Variants in RAPGEF6 observed in about 807,000 individuals in gnomAD.
RAPGEF6 encodes Rap guanine nucleotide exchange factor 6.
In RAPGEF6, 56 loss-of-function variants were observed where a neutral mutation model predicts 171.4. The observed-to-expected ratio is 0.33, with a 90% CI of 0.26 to 0.41. RAPGEF6 has a LOEUF of 0.41. Ranked by LOEUF, RAPGEF6 falls within the 10% of genes least tolerant of loss-of-function variation. The pLI is 1.00. For missense variants in RAPGEF6, 1,674 were observed against 1,921.4 expected (o/e 0.87, Z 2.41); for synonymous variants, 692 against 650.1 (o/e 1.06, Z -0.98).
chr5:131,570,306 T>TAC (rs1400436391), intron 4 of RAPGEF6, among the ~76,000 whole-genome samples: 3 of 152,224 alleles, frequency 2.0e-5, no homozygotes, highest in East Asian at 1.9e-4. Context: ...CTGTTAAATA[T>TAC]ACACCAGAAT....
At chr5:131,494,966 G>A (rs1756533092) in intron 13 of RAPGEF6, among the ~76,000 whole-genome samples, 1 of 152,160 alleles carries the variant, frequency 6.6e-6, no homozygotes, top group Non-Finnish European at 1.5e-5. Context: ...TTATAAGCCT[G>A]AGTAACTAAG....
intron 4 of RAPGEF6, among the ~76,000 whole-genome samples, chr5:131,578,580 A>AT (rs1762739236): frequency 6.6e-6 from 1 of 151,910 alleles, no homozygotes; most frequent in African/African-American, 2.4e-5. Context: ...CCATCCCCCC[A>AT]TATTTGGACC....
At chr5:131,435,671 T>C in intron 24 of RAPGEF6, 1 of 338,486 alleles carries the variant, frequency 3.0e-6, no homozygotes, top group South Asian at 4.5e-5. Context: ...CAATCAAAGA[T>C]ACGTAAAAAG....
chr5:131,619,434 G>A (rs1166312714), intron 1 of RAPGEF6, among the ~76,000 whole-genome samples: 8 of 152,192 alleles, frequency 5.3e-5, no homozygotes, highest in East Asian at 3.9e-4. Context: ...AAACCTGCAC[G>A]TTCTGCACAT....
Position 131,605,947 on chromosome 5 carries a change from G to A in RAPGEF6, c.70-1254C>T, listed in dbSNP as rs907311669. On this transcript the variant is annotated intron_variant, in intron 1 of 27. Transcript: ENST00000509018. ...CGGGAGGCTAAGGCAGGAGAATGGCGTGAACCCGGCAGGCGGAGCTTGCAG... is the reference window on the plus strand; with the variant it reads ...CGGGAGGCTAAGGCAGGAGAATGGCATGAACCCGGCAGGCGGAGCTTGCAG... Among the ~76,000 whole-genome samples the A allele has an allele frequency of 2.0e-5, 3 of 148,478 alleles. No homozygotes were observed. The Admixed American group carries it at 2.0e-4, about 10-fold the overall frequency.
intron 6 of RAPGEF6, among the ~76,000 whole-genome samples, chr5:131,535,199 T>C (rs1759683922): frequency 6.6e-6 from 1 of 152,116 alleles, no homozygotes. Context: ...CAGGGAACTG[T>C]ATAGTGAACC....
intron 1 of RAPGEF6, among the ~76,000 whole-genome samples, chr5:131,605,805 C>T (rs183092746): frequency 1.6e-3 from 238 of 151,608 alleles, no homozygotes; most frequent in Middle Eastern, 3.5e-3. Flanking sequence ...TCGAGGCGGG[C>T]GGAACATGAG....
chr5:131,524,386 G>A (rs1407454435), intron 6 of RAPGEF6, among the ~76,000 whole-genome samples: 1 of 152,164 alleles, frequency 6.6e-6, no homozygotes, highest in Admixed American at 6.5e-5. Flanking sequence ...TGTAGTAGCA[G>A]ACTTGATAGG....
intron 6 of RAPGEF6, among the ~76,000 whole-genome samples, chr5:131,522,475 A>T (rs936901352): frequency 1.3e-5 from 2 of 152,218 alleles, no homozygotes; most frequent in Non-Finnish European, 2.9e-5. Context: ...AAACACACAC[A>T]TAGTGTATAT....
chr5:131,452,803 A>G (rs970892231), intron 21 of RAPGEF6, among the ~76,000 whole-genome samples: 1 of 152,122 alleles, frequency 6.6e-6, no homozygotes, highest in South Asian at 2.1e-4. Context: ...AGAACTATCC[A>G]CATACAAATA....
intron 1 of RAPGEF6, among the ~76,000 whole-genome samples, chr5:131,631,830 A>C (rs1766324843): frequency 6.6e-6 from 1 of 152,148 alleles, no homozygotes; most frequent in South Asian, 2.1e-4. Context: ...TAATCCCAGC[A>C]CTTTGGGAGG....
At chr5:131,581,366 C>G (rs1339142664) in intron 4 of RAPGEF6, among the ~76,000 whole-genome samples, 1 of 152,142 alleles carries the variant, frequency 6.6e-6, no homozygotes, top group African/African-American at 2.4e-5. Flanking sequence ...TGGCTTCTTC[C>G]AATTGTTAGT....
chr5:131,565,917 T>G (rs1181192712), intron 4 of RAPGEF6, among the ~76,000 whole-genome samples: 2 of 151,998 alleles, frequency 1.3e-5, no homozygotes, highest in Non-Finnish European at 2.9e-5. Flanking sequence ...AGGCAGAGGC[T>G]AGCAAATAGC....
intron 15 of RAPGEF6, among the ~76,000 whole-genome samples, chr5:131,484,453 G>A (rs571168304): frequency 6.6e-6 from 1 of 151,976 alleles, no homozygotes; most frequent in Non-Finnish European, 1.5e-5. Context: ...TTGACCTCAT[G>A]ATCTGCCTGC....
intron 1 of RAPGEF6, among the ~76,000 whole-genome samples, chr5:131,612,201 ATTTTTTTTT>A (rs35306366): frequency 7.2e-5 from 6 of 83,328 alleles, no homozygotes; most frequent in Non-Finnish European, 1.4e-4. Context: ...TGCTCAGCTA[ATTTTTTTTT>A]TTTTTTTTTT....
chr5:131,510,294 T>C lies in RAPGEF6; in HGVS notation c.805+20A>G. 6.3e-7 allele frequency: 1 copy of C among 1,593,268 alleles called. No homozygotes were observed. The highest frequency in any genetic ancestry group is 8.5e-7 in the Non-Finnish European group (1 of 1,170,870). ...TAAATTAAGTTACAAATTCTTATTG[T>C]GAACACATATATTTCTTACCAATGT... On this transcript the variant is annotated intron_variant, in intron 8 of 27. Coordinates refer to ENST00000509018, the MANE Select transcript of RAPGEF6 (RefSeq NM_016340.6).
intron 1 of RAPGEF6, among the ~76,000 whole-genome samples, chr5:131,605,097 T>C (rs759171223): frequency 6.6e-6 from 1 of 152,216 alleles, no homozygotes; most frequent in Non-Finnish European, 1.5e-5. Flanking sequence ...AAAATATGAC[T>C]TTCTAAAGAA....
chr5:131,627,011 G>A (rs1765972788), intron 1 of RAPGEF6, among the ~76,000 whole-genome samples: 1 of 152,166 alleles, frequency 6.6e-6, no homozygotes, highest in African/African-American at 2.4e-5. Flanking sequence ...GCAATAATTT[G>A]GGGGTAGAAA....
chr5:131,552,718 C>G (rs1167752361), intron 5 of RAPGEF6, among the ~76,000 whole-genome samples: 1 of 152,110 alleles, frequency 6.6e-6, no homozygotes, highest in Non-Finnish European at 1.5e-5. Flanking sequence ...GCCTCAGCCT[C>G]TCAAAGTGCT....
Sources: allele counts gnomAD v4.1 joint callset (sites outside exome capture counted in the v4.1 genomes callset), GRCh38; gene constraint gnomAD v4.1.1; transcripts MANE v1.5; gene names NCBI Gene and HGNC (gene_info 2026-07-23, HGNC 2026-07-21).